The following SULF2 variants were observed in gnomAD, a reference collection of about 807,000 sequenced individuals.
The protein encoded by SULF2 is sulfatase 2, also known as extracellular sulfatase Sulf-2.
SULF2 carries 52 observed loss-of-function variants against 107.7 expected under a neutral mutation model. The observed-to-expected ratio is 0.48, with a 90% CI of 0.39 to 0.61. The LOEUF (loss-of-function observed/expected upper bound fraction) is 0.61, where lower values mean the gene tolerates loss of function less well. Among genes scored for constraint, SULF2 ranks in the 20% least tolerant of loss-of-function variants. The pLI is 0.00. For missense variants in SULF2, 993 were observed against 1,177.3 expected (o/e 0.84, Z 2.29); for synonymous variants, 460 against 464.3 (o/e 0.99, Z 0.12).
chr20:47,678,455 C>A lies in SULF2; in HGVS notation c.1193+221G>T. Reference sequence around the variant, plus strand: ...GGGTAATTTTAGCTCAGAGAAGGTCCCCAACTGGTCACCTTGGCCACATTC... The same window carrying A: ...GGGTAATTTTAGCTCAGAGAAGGTCACCAACTGGTCACCTTGGCCACATTC... On this transcript the variant is annotated intron_variant, in intron 8 of 20. Transcript: ENST00000688720. The surrounding 1 kb of genome is among the most constrained non-coding windows in gnomAD (Gnocchi z 4.5). 1 of 602,204 alleles carries A rather than the reference C, an allele frequency of 1.7e-6. No homozygotes were observed. Among genetic ancestry groups the A allele is most frequent in the Non-Finnish European group, 3.0e-6 (1 of 338,394 alleles). The allele number at this position is 602,204 out of a possible 1,614,324, so 37.3% of individuals were successfully genotyped here.
At chr20:47,683,883 C>T (rs1177434803) in intron 6 of SULF2, among the ~76,000 whole-genome samples, 4 of 152,336 alleles carry the variant, frequency 2.6e-5, no homozygotes, top group South Asian at 4.1e-4. Flanking sequence ...GAAAGAAAGG[C>T]GCTGGGCACA....
chr20:47,702,953 T>C (rs1485562482), intron 3 of SULF2, among the ~76,000 whole-genome samples: 1 of 152,230 alleles, frequency 6.6e-6, no homozygotes, highest in African/African-American at 2.4e-5. Context: ...TCTTGCTCTG[T>C]TACCCAGGCT....
At chr20:47,748,691 G>A (rs1461263910) in intron 2 of SULF2, among the ~76,000 whole-genome samples, 1 of 152,138 alleles carries the variant, frequency 6.6e-6, no homozygotes, top group Non-Finnish European at 1.5e-5. Flanking sequence ...GCCCCTGGCA[G>A]GAGATCGGAG....
intron 3 of SULF2, among the ~76,000 whole-genome samples, chr20:47,706,288 G>T (rs893386301): frequency 1.3e-5 from 2 of 152,032 alleles, no homozygotes; most frequent in Non-Finnish European, 2.9e-5. Context: ...ATGCGGGGGG[G>T]CTCCACTTCT....
At chr20:47,709,902 CTTTTT>C (rs36064156) in intron 3 of SULF2, among the ~76,000 whole-genome samples, 1,699 of 137,936 alleles carry the variant, frequency 0.012, 37 homozygotes, top group African/African-American at 0.043. Flanking sequence ...CCTGAAACCA[CTTTTT>C]TTTTTTTTTT....
chr20:47,663,727 CAG>C, intron 15 of SULF2, 105 bp from the exon 16 acceptor site: 2 of 1,319,190 alleles, frequency 1.5e-6, no homozygotes, highest in South Asian at 2.8e-5. Context: ...GCTTCTCCAA[CAG>C]AGAGCCATGG....
At chr20:47,682,874 CT>C in intron 7 of SULF2, 119 bp downstream of exon 7, 1 of 1,014,854 alleles carries the variant, frequency 9.9e-7, no homozygotes, top group Non-Finnish European at 1.4e-6. Context: ...TCCGCTGGCC[CT>C]GGGGTACATC....
At position 47,672,483 on chromosome 20, in the gene SULF2, C is replaced by T. The variant is rs73131845; in HGVS notation, c.1381-90G>A. On this transcript the variant is annotated intron_variant, in intron 10 of 20. Transcript: ENST00000688720. ...CCACCCCCATCCACCCTGGAGACATCCCTCTCCCTGCTTGCATCCAGCTGT... is the reference window on the plus strand; with the variant it reads ...CCACCCCCATCCACCCTGGAGACATTCCTCTCCCTGCTTGCATCCAGCTGT... 8,699 of 1,457,406 alleles carry T rather than the reference C, an allele frequency of 6.0e-3. 38 individuals carry two copies. The highest frequency in any genetic ancestry group is 7.1e-3 in the Non-Finnish European group (7,794 of 1,103,198). 90.3% of individuals were successfully genotyped at this position (1,457,406 alleles called of 1,614,324 possible). A position where few individuals can be genotyped will look rare whatever the true frequency, so the allele number is the denominator to read the frequency against.
Position 47,658,211 on chromosome 20 carries a change from G to T in SULF2, c.*151C>A. 1.3e-6 allele frequency: 1 copy of T among 765,110 alleles called. No homozygotes were observed. Among genetic ancestry groups the T allele is most frequent in the Non-Finnish European group, 2.3e-6 (1 of 437,742 alleles). The allele number at this position is 765,110 out of a possible 1,614,324, so 47.4% of individuals were successfully genotyped here. A position where few individuals can be genotyped will look rare whatever the true frequency, so the allele number is the denominator to read the frequency against. ...CTCTGCTCCTGCTGGTTATCCTCCA[G>T]AATCTGTCATGTTGACTGAGAGTGC... On this transcript the variant is annotated 3_prime_UTR_variant, in exon 21 of 21. Transcript: ENST00000688720.
chr20:47,753,141 A>C (rs1261020588), intron 2 of SULF2, among the ~76,000 whole-genome samples: 1 of 151,922 alleles, frequency 6.6e-6, no homozygotes, highest in Non-Finnish European at 1.5e-5. Context: ...AAAGAAATGC[A>C]AACACTGGAT....
intron 2 of SULF2, among the ~76,000 whole-genome samples, chr20:47,748,277 C>T (rs756412010): frequency 1.5e-4 from 23 of 152,198 alleles, no homozygotes; most frequent in Non-Finnish European, 2.8e-4. Context: ...CTTGCACGTG[C>T]CGTGCTTCTG....
Position 47,665,289 on chromosome 20 carries a change from T to C in SULF2, c.1907A>G (p.Glu636Gly). ...GTTCTTAATTTTGTTCTGCAGGGTT[T>C]CAATCTGAGGGAGGGGCAGAAGAGG... ...DHKLHIDHEI[E>G]TLQNKIKNLR... Residue 636 changes from glutamate to glycine, a missense_variant, in exon 14 of 21, where the codon GAA becomes GGA. Coordinates refer to ENST00000688720, the MANE Select transcript of SULF2 (RefSeq NM_001387048.1). 6.2e-7 allele frequency: 1 copy of C among 1,609,720 alleles called. No individual in the cohort carries two copies. Among genetic ancestry groups the C allele is most frequent in the Non-Finnish European group, 8.5e-7 (1 of 1,176,086 alleles).
chr20:47,727,062 G>T (rs916588987), intron 3 of SULF2, among the ~76,000 whole-genome samples: 1 of 151,550 alleles, frequency 6.6e-6, no homozygotes. Context: ...CCTTTATGGG[G>T]GGGGGCGGGG....
chr20:47,747,274 C>A (rs920634641), intron 2 of SULF2, among the ~76,000 whole-genome samples: 7 of 152,236 alleles, frequency 4.6e-5, no homozygotes, highest in African/African-American at 1.7e-4. Flanking sequence ...GGCTCCAAAT[C>A]GGTTCCTAAA....
In SULF2 at chr20:47,690,184, C is replaced by T. The variant is rs757737212; in HGVS notation, c.679G>A (p.Gly227Ser). 4.5e-6 allele frequency: 7 copies of T among 1,563,550 alleles called. No individual in the cohort carries two copies. Among genetic ancestry groups the T allele is most frequent in the South Asian group, 3.5e-5 (3 of 84,682 alleles). ...TATTGTGGGGCTGAATCCTCAGGGC[C>T]GTGGGGGGCTGCATGGCTGATGACC... ...LMVISHAAPH[G>S]PEDSAPQYSR... The change falls in exon 5 of 21, where the codon GGC becomes AGC. Residue 227 changes from glycine (G) to serine (S), a missense_variant. Gly to Ser is a moderately conservative substitution (Grantham distance 56). Around this residue, in one of 3 missense-constraint regions of SULF2, gnomAD observed 388 missense variants for 449.2 expected, o/e 0.86. Transcript: ENST00000688720.
intron 1 of SULF2, among the ~76,000 whole-genome samples, chr20:47,761,606 C>T (rs2090421143): frequency 6.6e-6 from 1 of 152,186 alleles, no homozygotes. Context: ...CTTCGCGTGC[C>T]CTCGCGCTCG....
intron 4 of SULF2, among the ~76,000 whole-genome samples, chr20:47,699,099 G>A (rs995695891): frequency 2.6e-5 from 4 of 152,166 alleles, no homozygotes; most frequent in Admixed American, 2.0e-4. Context: ...GGCTCATACT[G>A]GGGATGACAA....
intron 3 of SULF2, among the ~76,000 whole-genome samples, chr20:47,726,516 C>CT (rs2089448207): frequency 6.6e-6 from 1 of 152,176 alleles, no homozygotes; most frequent in African/African-American, 2.4e-5. Context: ...CTCTATTCTC[C>CT]TGCTGTCCAA....
chr20:47,659,840 GAT>G, intron 18 of SULF2, 110 bp from the exon 19 acceptor site: 1 of 800,358 alleles, frequency 1.2e-6, no homozygotes. Flanking sequence ...CCATGATGCT[GAT>G]AGTGTTCCCT....
Sources: allele counts gnomAD v4.1 joint callset (sites outside exome capture counted in the v4.1 genomes callset), GRCh38; gene constraint gnomAD v4.1.1; regional missense constraint gnomAD v4.1.1; non-coding constraint Gnocchi (gnomAD v3.1); transcripts MANE v1.5; gene names NCBI Gene and HGNC (gene_info 2026-07-23, HGNC 2026-07-21).